EPB41L3: variants seen among roughly 807,000 people sequenced by gnomAD.
The protein encoded by EPB41L3 is erythrocyte membrane protein band 4.1 like 3.
Under a neutral mutation model 127.1 loss-of-function variants are expected in EPB41L3, and 57 were observed. That is an observed-to-expected ratio of 0.45 (90% CI 0.36 to 0.56). The LOEUF (loss-of-function observed/expected upper bound fraction) is 0.56, where lower values mean the gene tolerates loss of function less well. EPB41L3 is among the 20% of genes least tolerant of loss of function. The probability of loss-of-function intolerance (pLI) is 0.00; values close to 1 mark genes in which losing one functional copy is unlikely to be tolerated. For synonymous variants in EPB41L3, 572 were observed against 549.5 expected (o/e 1.04, Z -0.57); for missense variants, 1,273 against 1,372.2 (o/e 0.93, Z 1.14).
At chr18:5,574,094 A>G (rs2094312475) in intron 3 of EPB41L3, among the ~76,000 whole-genome samples, 1 of 152,076 alleles carries the variant, frequency 6.6e-6, no homozygotes, top group Non-Finnish European at 1.5e-5. Context: ...TTTCATGTTA[A>G]GATTATCTCT....
At chr18:5,437,062 G>A (rs2079955778) in intron 6 of EPB41L3, among the ~76,000 whole-genome samples, 1 of 152,200 alleles carries the variant, frequency 6.6e-6, no homozygotes, top group Non-Finnish European at 1.5e-5. Context: ...CAAGAGAGTA[G>A]GGGTTCTAAG....
At chr18:5,546,174 TAGTG>T (rs1244232236), upstream of EPB41L3, among the ~76,000 whole-genome samples, 1 of 152,220 alleles carries the variant, frequency 6.6e-6, no homozygotes, top group African/African-American at 2.4e-5. Flanking sequence ...AAATCAGCAA[TAGTG>T]TCTGAATGGC....
chr18:5,552,786 G>A (rs2093983830), intron 3 of EPB41L3, among the ~76,000 whole-genome samples: 1 of 152,144 alleles, frequency 6.6e-6, no homozygotes, highest in Non-Finnish European at 1.5e-5. Context: ...TTTCAAAAGA[G>A]GTCAATGAGG....
chr18:5,408,402 T>C (rs2075776273), intron 14 of EPB41L3, among the ~76,000 whole-genome samples: 1 of 151,362 alleles, frequency 6.6e-6, no homozygotes. Context: ...GCCTCCCAGG[T>C]AGCTGGGATT....
At chr18:5,426,686 TC>T (rs1263528526) in intron 9 of EPB41L3, among the ~76,000 whole-genome samples, 1 of 152,196 alleles carries the variant, frequency 6.6e-6, no homozygotes, top group Non-Finnish European at 1.5e-5. Flanking sequence ...GAATATCATC[TC>T]ATTTGCATCA....
At chr18:5,601,197 G>C (rs2094587165) in intron 3 of EPB41L3, among the ~76,000 whole-genome samples, 1 of 152,136 alleles carries the variant, frequency 6.6e-6, no homozygotes, top group African/African-American at 2.4e-5. Context: ...GGTTAAGCAG[G>C]ACCTGCAGTT....
At chr18:5,499,610 CA>C (rs954404242) in intron 1 of EPB41L3, among the ~76,000 whole-genome samples, 1 of 151,508 alleles carries the variant, frequency 6.6e-6, no homozygotes. Context: ...AAAAAAAATA[CA>C]AAAAAATTAG....
chr18:5,444,992 G>T (rs950205259), intron 4 of EPB41L3, 148 bp downstream of exon 4: 1 of 580,750 alleles, frequency 1.7e-6, no homozygotes, highest in Non-Finnish European at 3.1e-6. Context: ...AGGAATAGAT[G>T]ATTAACAGCA....
intron 3 of EPB41L3, among the ~76,000 whole-genome samples, chr18:5,464,230 GC>G (rs1383503157): frequency 1.3e-5 from 2 of 152,232 alleles, no homozygotes; most frequent in East Asian, 3.9e-4. Flanking sequence ...ATTTTATGTT[GC>G]CTTAAATACC....
intron 2 of EPB41L3, among the ~76,000 whole-genome samples, chr18:5,484,102 A>AAAAAAAAAAAAAAAAAAAAC (rs2089210031): frequency 1.6e-5 from 2 of 125,710 alleles, no homozygotes; most frequent in Non-Finnish European, 3.2e-5. Context: ...AAAAAAAAAA[A>AAAAAAAAAAAAAAAAAAAAC]AAAAAAAAAA....
In EPB41L3 at chr18:5,586,745, G is replaced by T. The variant is rs1218457952; in HGVS notation, c.-306+25595C>A. On this transcript the variant is annotated intron_variant, in intron 3 of 21. Coordinates refer to the EPB41L3 transcript ENST00000545076. ...GTGTGGTATTATTTAAGATAAATAG[G>T]AGTTCATGTATTGTAATTTAAGTTA... is the stretch of plus-strand genomic sequence containing the variant. Among the ~76,000 whole-genome samples the T allele has an allele frequency of 2.6e-5, 4 of 151,950 alleles. 1 individual carries two copies. The highest frequency in any genetic ancestry group is 5.9e-5 in the Non-Finnish European group (4 of 68,010).
At chr18:5,610,185 C>T (rs1698004364) in intron 3 of EPB41L3, 1 of 985,244 alleles carries the variant, frequency 1.0e-6, no homozygotes, top group Non-Finnish European at 1.2e-6. Flanking sequence ...AACGTATTTC[C>T]AGATGATTGG....
At chr18:5,551,624 G>A (rs1414338121) in intron 3 of EPB41L3, among the ~76,000 whole-genome samples, 1 of 152,108 alleles carries the variant, frequency 6.6e-6, no homozygotes, top group African/African-American at 2.4e-5. Context: ...GGAGGCTAAG[G>A]TGGGAGGATC....
Position 5,396,316 on chromosome 18 carries a change from G to C in EPB41L3, c.2858C>G (p.Thr953Arg), listed in dbSNP as rs755038593. The C allele has an allele frequency of 6.2e-7, 1 of 1,614,080 alleles. No homozygotes were observed. The highest frequency in any genetic ancestry group is 8.5e-7 in the Non-Finnish European group (1 of 1,180,014). Residue 953 changes from threonine (T) to arginine (R), a missense_variant, in exon 19 of 23, where the codon ACG (threonine) becomes AGG (arginine). By Grantham distance (71) the Thr-to-Arg change is moderately conservative (BLOSUM62 -1). Transcript: ENST00000341928. ...AACACTGCCAAAACTGATGGTTTCC[G>C]TCTTCACCGTTGAGGACTGTGCCAA... ...KPHFESSTVKTETISFGSVSP... is the reference protein window; with the variant it reads ...KPHFESSTVKRETISFGSVSP...
At chr18:5,399,316 C>T in intron 16 of EPB41L3, 1 of 399,080 alleles carries the variant, frequency 2.5e-6, no homozygotes, top group Non-Finnish European at 4.4e-6. Flanking sequence ...TTGTAAGTCA[C>T]AATCTTTTTC....
At chr18:5,400,013 CA>C (rs2074237059) in intron 16 of EPB41L3, 2 of 143,280 alleles carry the variant, frequency 1.4e-5, no homozygotes, top group South Asian at 4.1e-4. Flanking sequence ...TCGAGTCTTA[CA>C]TTTTTTTTTT....
intron 3 of EPB41L3, among the ~76,000 whole-genome samples, chr18:5,608,525 T>C (rs1283191321): frequency 2.6e-5 from 4 of 152,134 alleles, no homozygotes; most frequent in Non-Finnish European, 4.4e-5. Flanking sequence ...ATTTTTAGGA[T>C]GAGAGATTTC....
At chr18:5,571,049 G>A (rs2094273883) in intron 3 of EPB41L3, 1 of 152,052 alleles carries the variant, frequency 6.6e-6, no homozygotes, top group African/African-American at 2.4e-5. Flanking sequence ...TATGTGCATT[G>A]CTTTGAAATT....
intron 7 of EPB41L3, 56 bp downstream of exon 7, chr18:5,433,847 T>C: frequency 6.4e-7 from 1 of 1,569,976 alleles, no homozygotes; most frequent in Non-Finnish European, 8.8e-7. Flanking sequence ...GTGGGTTGTG[T>C]GCGGGACACT....
Sources: allele counts gnomAD v4.1 joint callset (sites outside exome capture counted in the v4.1 genomes callset), GRCh38; gene constraint gnomAD v4.1.1; transcripts MANE v1.5; gene names NCBI Gene and HGNC (gene_info 2026-07-23, HGNC 2026-07-21).